DCLK1: variants seen among roughly 807,000 people sequenced by gnomAD.
DCLK1 encodes the protein doublecortin like kinase 1.
In DCLK1, 16 loss-of-function variants were observed where a neutral mutation model predicts 86.2. That is an observed-to-expected ratio of 0.19 (90% confidence interval 0.13 to 0.28). The LOEUF is 0.28. Among genes scored for constraint, DCLK1 ranks in the 10% least tolerant of loss-of-function variants. DCLK1 has a pLI of 1.00. For synonymous variants in DCLK1, 369 were observed against 370.5 expected (o/e 1.00, Z 0.05); for missense variants, 590 against 940.2 (o/e 0.63, Z 4.87).
At chr13:36,053,828 G>A (rs1454288835) in intron 3 of DCLK1, among the ~76,000 whole-genome samples, 1 of 151,962 alleles carries the variant, frequency 6.6e-6, no homozygotes, top group African/African-American at 2.4e-5. Context: ...GAAGAGATAG[G>A]TCTTGAAGAT....
intron 16 of DCLK1, among the ~76,000 whole-genome samples, chr13:35,782,579 T>C (rs2086548014): frequency 6.6e-6 from 1 of 152,208 alleles, no homozygotes; most frequent in Admixed American, 6.5e-5. Context: ...GCATCTCATA[T>C]GTGATTTGAT....
Position 36,112,068 on chromosome 13 carries a change from T to A in DCLK1, c.524A>T (p.Glu175Val). 1 of 1,614,174 alleles carries A rather than the reference T, an allele frequency of 6.2e-7. No individual in the cohort carries two copies. Among genetic ancestry groups the A allele is most frequent in the Non-Finnish European group, 8.5e-7 (1 of 1,180,030 alleles). ...SLATAKGSPSEVRENKDFIRP... is the reference protein window; with the variant it reads ...SLATAKGSPSVVRENKDFIRP... ...AATGAAATCCTTATTCTCTCGCACC[T>A]CTGAAGGGCTTCCTTTGGCAGTGGC... The change falls in exon 3 of 17, where the codon GAG becomes GTG. Residue 175 changes from glutamate (E) to valine (V), a missense_variant. Physicochemically the swap from Glu to Val is moderately radical, Grantham distance 121 (BLOSUM62 -2). This residue lies in a region of DCLK1 where 195 missense variants were observed against 365.1 expected (regional missense o/e 0.53). Transcript: ENST00000360631.
chr13:36,074,274 G>A (rs1391934385), intron 3 of DCLK1, among the ~76,000 whole-genome samples: 3 of 151,654 alleles, frequency 2.0e-5, no homozygotes, highest in Non-Finnish European at 2.9e-5. Context: ...AGGCCGAGGC[G>A]GGCAGATCGC....
intron 3 of DCLK1, among the ~76,000 whole-genome samples, chr13:35,967,114 C>T (rs1414474141): frequency 6.7e-6 from 1 of 150,278 alleles, no homozygotes; most frequent in Non-Finnish European, 1.5e-5. Context: ...CTCTGCCTCG[C>T]CGCCCCATCT....
chr13:36,087,678 C>A (rs1485517701), intron 3 of DCLK1, among the ~76,000 whole-genome samples: 4 of 152,130 alleles, frequency 2.6e-5, no homozygotes, highest in African/African-American at 9.7e-5. Context: ...CTTTTTCCCA[C>A]CAAGAAGACT....
intron 4 of DCLK1, among the ~76,000 whole-genome samples, chr13:35,945,379 C>A (rs554245213): frequency 6.6e-6 from 1 of 152,004 alleles, no homozygotes; most frequent in African/African-American, 2.4e-5. Flanking sequence ...TTGGCTGTTG[C>A]GGAGGGGAAG....
At chr13:35,876,991 CA>C (rs1872629023) in intron 4 of DCLK1, among the ~76,000 whole-genome samples, 1 of 152,134 alleles carries the variant, frequency 6.6e-6, no homozygotes, top group Admixed American at 6.5e-5. Flanking sequence ...GAAATCAGAC[CA>C]AACTCATGAA....
rs1352726513 is a variant in DCLK1 at position 36,112,192 on chromosome 13, T to A, written c.400A>T (p.Ile134Leu). 2 of 1,594,800 alleles carry A rather than the reference T, an allele frequency of 1.3e-6. No homozygotes were observed. The highest frequency in any genetic ancestry group is 1.7e-6 in the Non-Finnish European group (2 of 1,165,640). Residue 134 changes from isoleucine to leucine, a missense_variant, in exon 3 of 17, where the codon ATA becomes TTA. Physicochemically the swap from Ile to Leu is conservative, Grantham distance 5. Coordinates refer to ENST00000360631, the MANE Select transcript of DCLK1 (RefSeq NM_001330071.2). ...VEGESYVCGS[I>L]EPFKKLEYTK... is the part of the protein sequence containing the mutation. ...TACTCCAGTTTCTTGAAGGGCTCTA[T>A]GGAGCCACATACATAACTCTCTCCT...
At chr13:35,985,987 C>T (rs1205018955) in intron 3 of DCLK1, among the ~76,000 whole-genome samples, 2 of 152,026 alleles carry the variant, frequency 1.3e-5, no homozygotes, top group East Asian at 1.9e-4. Flanking sequence ...ATTAAGAGTT[C>T]GTGAGGTGCA....
intron 3 of DCLK1, among the ~76,000 whole-genome samples, chr13:36,073,374 A>G (rs1437322978): frequency 6.6e-6 from 1 of 152,180 alleles, no homozygotes; most frequent in African/African-American, 2.4e-5. Flanking sequence ...CACATAGGCT[A>G]TCTCACTCCC....
At chr13:35,982,704 T>C (rs1259956814) in intron 3 of DCLK1, among the ~76,000 whole-genome samples, 1 of 152,178 alleles carries the variant, frequency 6.6e-6, no homozygotes, top group Non-Finnish European at 1.5e-5. Context: ...TTACGTCTGT[T>C]GCGGAACGTT....
At chr13:36,117,783 A>G (rs1011744900) in intron 2 of DCLK1, among the ~76,000 whole-genome samples, 1 of 152,186 alleles carries the variant, frequency 6.6e-6, no homozygotes, top group Non-Finnish European at 1.5e-5. Flanking sequence ...TCAGGAGACT[A>G]TCTTCAAATA....
chr13:35,919,326 A>C (rs1310148984), intron 4 of DCLK1, among the ~76,000 whole-genome samples: 1 of 152,118 alleles, frequency 6.6e-6, no homozygotes, highest in Non-Finnish European at 1.5e-5. Context: ...AGACTTCTTC[A>C]GGCTTGTAGC....
At chr13:35,899,445 T>C (rs752769176) in intron 4 of DCLK1, among the ~76,000 whole-genome samples, 51 of 151,824 alleles carry the variant, frequency 3.4e-4, no homozygotes, top group South Asian at 6.2e-4. Flanking sequence ...AGGGAGGCTA[T>C]CAGCCATGAC....
intron 4 of DCLK1, among the ~76,000 whole-genome samples, chr13:35,945,120 G>A (rs1000204670): frequency 2.0e-5 from 3 of 152,030 alleles, no homozygotes; most frequent in East Asian, 1.9e-4. Context: ...GGCTGGTCTC[G>A]AACTCCCAAC....
chr13:36,040,257 T>C (rs1593839759), intron 3 of DCLK1, among the ~76,000 whole-genome samples: 1 of 150,774 alleles, frequency 6.6e-6, no homozygotes, highest in South Asian at 2.1e-4. Flanking sequence ...ATTTAGTCGT[T>C]GTTTTCTTAG....
chr13:35,983,968 T>C (rs1349069963), intron 3 of DCLK1, among the ~76,000 whole-genome samples: 2 of 152,150 alleles, frequency 1.3e-5, no homozygotes, highest in Non-Finnish European at 2.9e-5. Flanking sequence ...CTTGACCTCC[T>C]TGACTATGGG....
At chr13:36,009,794 G>A (rs1166460360) in intron 3 of DCLK1, among the ~76,000 whole-genome samples, 1 of 117,724 alleles carries the variant, frequency 8.5e-6, no homozygotes, top group Non-Finnish European at 1.7e-5. Context: ...GGATGGCATT[G>A]AATCTGTAAA....
chr13:35,867,141 A>G (rs184133714), intron 5 of DCLK1, among the ~76,000 whole-genome samples: 42 of 152,366 alleles, frequency 2.8e-4, no homozygotes, highest in Middle Eastern at 3.4e-3. Context: ...TACCATCCAA[A>G]GGAAAGTGGT....
Sources: gnomAD v4.1 joint callset for allele counts (sites outside exome capture counted in the v4.1 genomes callset) on GRCh38, gnomAD v4.1.1 for gene constraint, gnomAD v4.1.1 regional missense constraint, MANE v1.5 for transcripts, NCBI Gene and HGNC (gene_info 2026-07-23, HGNC 2026-07-21) for gene names.